PDGFC: variants seen among roughly 807,000 people sequenced by gnomAD.
PDGFC encodes platelet-derived growth factor C.
In PDGFC, 12 loss-of-function variants were observed where a neutral mutation model predicts 35.5. The ratio of observed to expected loss-of-function variants is 0.34; its 90% CI spans 0.22 to 0.55. PDGFC has a LOEUF of 0.55. Among genes scored for constraint, PDGFC ranks in the 20% least tolerant of loss-of-function variants. The pLI is 0.91. For missense variants in PDGFC, 322 were observed against 412.4 expected, an observed-to-expected ratio of 0.78 and a Z score of 1.90; for synonymous variants, 159 against 148.8, an observed-to-expected ratio of 1.07 and a Z score of -0.50.
intron 1 of PDGFC, among the ~76,000 whole-genome samples, chr4:156,870,246 C>T (rs1009520178): frequency 6.6e-6 from 1 of 152,154 alleles, no homozygotes; most frequent in East Asian, 1.9e-4. Flanking sequence ...ATTTATAACA[C>T]TTTAACAAGT....
chr4:156,840,551 T>C (rs1729176372), intron 2 of PDGFC, among the ~76,000 whole-genome samples: 1 of 151,926 alleles, frequency 6.6e-6, no homozygotes, highest in Non-Finnish European at 1.5e-5. Context: ...AAATGTGGAG[T>C]TGAATCCCCT....
intron 1 of PDGFC, among the ~76,000 whole-genome samples, chr4:156,862,365 A>G (rs1190506391): frequency 6.6e-6 from 1 of 152,168 alleles, no homozygotes; most frequent in Non-Finnish European, 1.5e-5. Flanking sequence ...GCTAATAGAA[A>G]GGCATGAGGT....
intron 1 of PDGFC, among the ~76,000 whole-genome samples, chr4:156,914,354 C>A (rs904183804): frequency 1.3e-5 from 2 of 152,108 alleles, no homozygotes; most frequent in African/African-American, 4.8e-5. Context: ...ATACTGGGCA[C>A]CCTCTTGCTT....
intron 1 of PDGFC, among the ~76,000 whole-genome samples, chr4:156,957,772 C>T (rs1732246901): frequency 1.3e-5 from 2 of 152,118 alleles, no homozygotes; most frequent in Middle Eastern, 3.4e-3. Context: ...CCAAGTCATA[C>T]ATCAATGTTC....
intron 1 of PDGFC, among the ~76,000 whole-genome samples, chr4:156,907,447 G>A (rs1730940684): frequency 6.6e-6 from 1 of 152,118 alleles, no homozygotes; most frequent in African/African-American, 2.4e-5. Flanking sequence ...GGAACATAAA[G>A]GTTTAAGGGT....
At chr4:156,809,160 GA>G (rs1407744922) in intron 3 of PDGFC, among the ~76,000 whole-genome samples, 9 of 151,964 alleles carry the variant, frequency 5.9e-5, no homozygotes, top group Non-Finnish European at 1.0e-4. Flanking sequence ...TGGCTCAATA[GA>G]GTCCAGGAGA....
chr4:156,796,310 A>G (rs1482779865), intron 3 of PDGFC, among the ~76,000 whole-genome samples: 1 of 151,956 alleles, frequency 6.6e-6, no homozygotes, highest in African/African-American at 2.4e-5. Context: ...TTTTTATATA[A>G]TATTTTTATT....
chr4:156,939,869 C>T (rs998416095), intron 1 of PDGFC, among the ~76,000 whole-genome samples: 2 of 152,034 alleles, frequency 1.3e-5, no homozygotes, highest in African/African-American at 2.4e-5. Context: ...CTTGGGATTA[C>T]AGTATATAAA....
chr4:156,874,011 A>T (rs753971048), intron 1 of PDGFC: 2 of 152,174 alleles, frequency 1.3e-5, no homozygotes, highest in South Asian at 4.1e-4. Flanking sequence ...ATGAATTACA[A>T]CTATGATCTG....
At chr4:156,853,558 ATAAT>A (rs1258851229) in intron 1 of PDGFC, among the ~76,000 whole-genome samples, 17 of 152,208 alleles carry the variant, frequency 1.1e-4, no homozygotes, top group Non-Finnish European at 1.5e-4. Context: ...TATATATAAA[ATAAT>A]TAACGCCTTT....
intron 2 of PDGFC, among the ~76,000 whole-genome samples, chr4:156,829,642 A>C (rs1415944312): frequency 6.6e-6 from 1 of 152,198 alleles, no homozygotes; most frequent in Non-Finnish European, 1.5e-5. Context: ...GTCACCAGAA[A>C]ATTTGGCAGT....
intron 3 of PDGFC, among the ~76,000 whole-genome samples, chr4:156,802,585 T>C (rs539855416): frequency 0.01 from 1,485 of 146,592 alleles, 34 homozygotes; most frequent in African/African-American, 0.036. Flanking sequence ...CACACACACA[T>C]ATACATTTTA....
At chr4:156,942,265 A>G (rs1281103803) in intron 1 of PDGFC, among the ~76,000 whole-genome samples, 1 of 152,098 alleles carries the variant, frequency 6.6e-6, no homozygotes, top group African/African-American at 2.4e-5. Flanking sequence ...CAAGAGCTCA[A>G]CGCAAACAGG....
chr4:156,823,085 A>G (rs1373587944), intron 2 of PDGFC, among the ~76,000 whole-genome samples: 1 of 152,058 alleles, frequency 6.6e-6, no homozygotes, highest in African/African-American at 2.4e-5. Flanking sequence ...TAAACAGGAC[A>G]GAACAAAGAA....
intron 3 of PDGFC, among the ~76,000 whole-genome samples, chr4:156,777,982 T>C (rs1348334575): frequency 6.6e-6 from 1 of 152,082 alleles, no homozygotes; most frequent in African/African-American, 2.4e-5. Context: ...GCCACGCTTA[T>C]AATCCCAGCT....
chr4:156,918,879 C>T (rs1246003560), intron 1 of PDGFC, among the ~76,000 whole-genome samples: 3 of 152,068 alleles, frequency 2.0e-5, no homozygotes, highest in Non-Finnish European at 2.9e-5. Flanking sequence ...CCCAATTTCC[C>T]AAAAAGAACT....
At chr4:156,966,724 C>T (rs571835601) in intron 1 of PDGFC, among the ~76,000 whole-genome samples, 16 of 152,252 alleles carry the variant, frequency 1.1e-4, no homozygotes, top group Admixed American at 2.0e-4. Flanking sequence ...GAGATGGCAG[C>T]ACTGAGGGAA....
At chr4:156,834,307 G>A (rs749971653) in intron 2 of PDGFC, among the ~76,000 whole-genome samples, 2 of 152,176 alleles carry the variant, frequency 1.3e-5, no homozygotes, top group East Asian at 1.9e-4. Flanking sequence ...TAAACAGTAG[G>A]TAAACTGCTG....
At chr4:156,887,766 C>A (rs189680664) in intron 1 of PDGFC, among the ~76,000 whole-genome samples, 168 of 152,096 alleles carry the variant, frequency 1.1e-3, no homozygotes, top group African/African-American at 3.9e-3. Flanking sequence ...TATAACCCCT[C>A]ACTTTGGGAG....
Sources: allele counts gnomAD v4.1 joint callset (sites outside exome capture counted in the v4.1 genomes callset), GRCh38; gene constraint gnomAD v4.1.1; transcripts MANE v1.5; gene names NCBI Gene and HGNC (gene_info 2026-07-23, HGNC 2026-07-21).